Variants in HYDIN observed in about 807,000 individuals in gnomAD.
HYDIN encodes the protein HYDIN axonemal central pair apparatus protein.
In HYDIN, 132 loss-of-function variants were observed where a neutral mutation model predicts 403.9. That is an observed-to-expected ratio of 0.33 (90% CI 0.28 to 0.38). HYDIN has a LOEUF of 0.38. Among genes scored for constraint, HYDIN ranks in the 10% least tolerant of loss-of-function variants. The pLI, the probability that HYDIN is intolerant of heterozygous loss-of-function variation, is 1.00. For missense variants in HYDIN, 2,827 were observed against 5,009.5 expected (o/e 0.56, Z 13.15); for synonymous variants, 1,202 against 1,891.7 (o/e 0.64, Z 9.46).
chr16:70,832,673 T>C (rs1263658009), intron 80 of HYDIN, among the ~76,000 whole-genome samples, 175 bp downstream of exon 80: 107 of 151,130 alleles, frequency 7.1e-4, no homozygotes, highest in Non-Finnish European at 9.5e-4. Context: ...AGCTGAAGAA[T>C]GGAAAGGAAT....
chr16:71,054,508 C>G (rs1404006571), intron 18 of HYDIN, among the ~76,000 whole-genome samples: 1 of 152,022 alleles, frequency 6.6e-6, no homozygotes, highest in Admixed American at 6.6e-5. Context: ...ACAGTCAATT[C>G]CCCAAGGAGA....
chr16:71,159,783 T>A (rs2085924631), intron 6 of HYDIN, among the ~76,000 whole-genome samples: 1 of 152,044 alleles, frequency 6.6e-6, no homozygotes, highest in Non-Finnish European at 1.5e-5. Context: ...GAAAAAAATA[T>A]ATATATAATT....
intron 11 of HYDIN, 78 bp downstream of exon 11, chr16:71,093,739 A>T: frequency 6.6e-7 from 1 of 1,523,056 alleles, no homozygotes; most frequent in Non-Finnish European, 8.8e-7. Context: ...CTTTCCATCA[A>T]ATAAAAACAT....
intron 62 of HYDIN, among the ~76,000 whole-genome samples, chr16:70,878,717 G>C (rs2040596170): frequency 7.0e-6 from 1 of 143,410 alleles, no homozygotes; most frequent in African/African-American, 3.0e-5. Flanking sequence ...TGCATGGACT[G>C]CCAAATGCCC....
At chr16:71,188,493 C>T (rs953670133) in intron 1 of HYDIN, among the ~76,000 whole-genome samples, 1 of 152,102 alleles carries the variant, frequency 6.6e-6, no homozygotes, top group Admixed American at 6.6e-5. Flanking sequence ...GATTTTAAGA[C>T]AGATTTTTAA....
At chr16:70,998,166 CA>C (rs2079589988) in intron 23 of HYDIN, among the ~76,000 whole-genome samples, 2 of 152,242 alleles carry the variant, frequency 1.3e-5, no homozygotes. Flanking sequence ...CTAACATATA[CA>C]GATTGGTTTT....
chr16:71,077,516 C>T (rs1413409354), intron 13 of HYDIN, among the ~76,000 whole-genome samples: 1 of 152,062 alleles, frequency 6.6e-6, no homozygotes, highest in African/African-American at 2.4e-5. Context: ...CACAGTTTTT[C>T]TAGGTAGAGA....
chr16:71,036,109 C>CTCAT (rs1335034924), intron 18 of HYDIN, among the ~76,000 whole-genome samples: 1 of 152,236 alleles, frequency 6.6e-6, no homozygotes, highest in African/African-American at 2.4e-5. Context: ...TATCTTCCCC[C>CTCAT]AACTCTCCCA....
chr16:70,951,250 G>GAC (rs1361262464), intron 41 of HYDIN, among the ~76,000 whole-genome samples: 3 of 130,786 alleles, frequency 2.3e-5, no homozygotes, highest in South Asian at 2.3e-4. Flanking sequence ...AAAAGGGACA[G>GAC]AGAGAGAGAG....
Position 71,069,283 on chromosome 16 carries a change from C to T in HYDIN, c.1958G>A (p.Gly653Glu), listed in dbSNP as rs1223483679. 5 of 1,613,134 alleles carry T rather than the reference C, an allele frequency of 3.1e-6. No homozygotes were observed. The Middle Eastern group carries it at 5.0e-4, about 160-fold the overall frequency. Reference sequence around the variant, plus strand: ...GCACTTTACCCTGATAGCAGCAAATCCCTGGGGGCGAATGGTGCCACAGTC... The same window carrying T: ...GCACTTTACCCTGATAGCAGCAAATTCCTGGGGGCGAATGGTGCCACAGTC... ...SPDCGTIRPQ[G>E]FAAIRVTLCS... Residue 653 changes from glycine (G) to glutamate (E), a missense_variant, in exon 14 of 86, where the codon GGA becomes GAA. Transcript: ENST00000393567.
intron 37 of HYDIN, among the ~76,000 whole-genome samples, chr16:70,964,186 C>T (rs1373214568): frequency 2.7e-5 from 4 of 147,824 alleles, no homozygotes; most frequent in African/African-American, 7.4e-5. Flanking sequence ...GACAGCTCTG[C>T]GATTGGAGTT....
At chr16:70,954,230 T>C (rs1184374248) in intron 40 of HYDIN, among the ~76,000 whole-genome samples, 97 of 83,848 alleles carry the variant, frequency 1.2e-3, no homozygotes, top group African/African-American at 4.0e-3. Context: ...GGCTCAATCT[T>C]GTAATCCCAG....
chr16:71,107,529 T>C (rs1418762174), intron 10 of HYDIN, among the ~76,000 whole-genome samples: 1 of 151,730 alleles, frequency 6.6e-6, no homozygotes, highest in African/African-American at 2.4e-5. Flanking sequence ...ACAAATACTT[T>C]TCAAAAGAAG....
rs766265597 is a variant in HYDIN at position 70,874,893 on chromosome 16, T to A, written c.10584A>T (p.Leu3528=). ...GCCTCCCTTTCAGGGAGAAGACTCC[T>A]AGCTCATCCTGCAGGTCAACATGCA... ...AQLHVDLQDE[L]GVFSLKGRPT... is the part of the protein sequence containing the mutation. Residue 3528 remains leucine (L), a synonymous_variant, in exon 63 of 86, where the codon CTA becomes CTT. Coordinates refer to ENST00000393567, the MANE Select transcript of HYDIN (RefSeq NM_001270974.2). The A allele has an allele frequency of 1.2e-6, 2 of 1,609,024 alleles. No individual in the cohort carries two copies. The highest frequency in any genetic ancestry group is 1.7e-6 in the Non-Finnish European group (2 of 1,178,436).
intron 9 of HYDIN, among the ~76,000 whole-genome samples, chr16:71,125,359 A>G (rs1365061721): frequency 3.9e-5 from 6 of 152,192 alleles, no homozygotes; most frequent in African/African-American, 1.4e-4. Flanking sequence ...ACATGTTCAG[A>G]GCCAAACTCG....
intron 4 of HYDIN, among the ~76,000 whole-genome samples, chr16:71,176,670 G>C (rs1442559404): frequency 1.3e-5 from 2 of 152,196 alleles, no homozygotes; most frequent in African/African-American, 2.4e-5. Flanking sequence ...AGATCCCCCA[G>C]AGCAGTCTCA....
intron 19 of HYDIN, among the ~76,000 whole-genome samples, chr16:71,030,579 C>T (rs963911650): frequency 1.1e-4 from 16 of 151,876 alleles, no homozygotes; most frequent in Non-Finnish European, 2.1e-4. Context: ...ACTACACGCA[C>T]CTGCCACCAT....
chr16:70,810,723 G>C (rs775477925), intron 84 of HYDIN, among the ~76,000 whole-genome samples: 2 of 152,054 alleles, frequency 1.3e-5, no homozygotes, highest in Non-Finnish European at 2.9e-5. Context: ...CCAGCTACTC[G>C]GGAGGCTGAG....
chr16:71,078,858 T>C (rs1385249918), intron 13 of HYDIN, among the ~76,000 whole-genome samples: 1 of 152,216 alleles, frequency 6.6e-6, no homozygotes, highest in Non-Finnish European at 1.5e-5. Flanking sequence ...AATTGCTGGT[T>C]ATCTCCCACT....
Sources: gnomAD v4.1 joint callset for allele counts (sites outside exome capture counted in the v4.1 genomes callset) on GRCh38, gnomAD v4.1.1 for gene constraint, MANE v1.5 for transcripts, NCBI Gene and HGNC (gene_info 2026-07-23, HGNC 2026-07-21) for gene names.